The following PRKAR1B variants were observed in gnomAD, a reference collection of about 807,000 sequenced individuals.
PRKAR1B encodes the protein protein kinase cAMP-dependent type I regulatory subunit beta.
PRKAR1B carries 22 observed loss-of-function variants against 46.5 expected under a neutral mutation model. The observed-to-expected ratio is 0.47, with a 90% CI of 0.34 to 0.68. The LOEUF (loss-of-function observed/expected upper bound fraction) is 0.68. PRKAR1B is among the 30% of genes least tolerant of loss of function. The pLI is 0.01. For synonymous variants in PRKAR1B, 259 were observed against 217.7 expected (o/e 1.19, Z -1.67); for missense variants, 445 against 535.6 (o/e 0.83, Z 1.67).
intron 9 of PRKAR1B, among the ~76,000 whole-genome samples, chr7:573,676 G>A (rs1057383747): frequency 6.6e-6 from 1 of 152,220 alleles, no homozygotes; most frequent in Admixed American, 6.5e-5. Flanking sequence ...CCCACAGCCC[G>A]CAAAACACCC....
At chr7:725,988 G>A (rs1781251810) in intron 1 of PRKAR1B, among the ~76,000 whole-genome samples, 1 of 151,994 alleles carries the variant, frequency 6.6e-6, no homozygotes, top group Admixed American at 6.6e-5. Context: ...CCCCCTACCT[G>A]CCTAATTATC....
intron 9 of PRKAR1B, 99 bp from the exon 10 acceptor site, chr7:551,569 C>T (rs77124414): frequency 0.14 from 168,174 of 1,171,462 alleles, 13,916 homozygotes; most frequent in Admixed American, 0.37. Flanking sequence ...CCCAAACCCC[C>T]ACCTCCCACC....
rs1366830421 is a variant in PRKAR1B, at chr7:714,175, G to A, written c.-22-2648C>T. On this transcript the variant is annotated intron_variant, in intron 1 of 10. Transcript: ENST00000537384. The surrounding 1 kb of genome is among the most constrained non-coding windows in gnomAD (Gnocchi z 4.3). ...CCAGGTGCCACCTAACCAAGGCGAC[G>A]TCTCGCTTCGGGGGGCAGATGCTCC... Among the ~76,000 whole-genome samples, 3 of 152,136 alleles carry A rather than the reference G, an allele frequency of 2.0e-5. No homozygotes were observed. Among genetic ancestry groups the A allele is most frequent in the South Asian group, 2.1e-4 (1 of 4,832 alleles).
At chr7:631,388 G>T (rs1053189905) in intron 4 of PRKAR1B, among the ~76,000 whole-genome samples, 1 of 152,226 alleles carries the variant, frequency 6.6e-6, no homozygotes, top group Admixed American at 6.5e-5. Flanking sequence ...CCCAGACAGG[G>T]GTGGTCGCCG....
intron 2 of PRKAR1B, among the ~76,000 whole-genome samples, chr7:681,324 A>T (rs1011714057): frequency 1.2e-4 from 12 of 98,756 alleles, no homozygotes; most frequent in African/African-American, 3.7e-4. Context: ...CTGTCTCTAT[A>T]AAAAAAAAAA....
Position 720,885 on chromosome 7 carries a change from TGTTTTGTATCCAC to T in PRKAR1B, c.-23+6312_-23+6324del, listed in dbSNP as rs1781048478. ...TAGTAGACATCATACAGTTGGGTCA[TGTTTTGTATCCAC>T]GTGGCGAACCTCTGTCTTCTAATTG... On this transcript the variant is annotated intron_variant, in intron 1 of 10. Transcript: ENST00000537384. Among the ~76,000 whole-genome samples, 4 of 152,360 alleles carry T rather than the reference TGTTTTGTATCCAC, an allele frequency of 2.6e-5. No individual in the cohort carries two copies. In the South Asian group the frequency reaches 8.3e-4, roughly 32 times the overall value.
chr7:658,812 G>A (rs1255800444), intron 4 of PRKAR1B, among the ~76,000 whole-genome samples: 2 of 151,974 alleles, frequency 1.3e-5, no homozygotes, highest in Admixed American at 6.6e-5. Context: ...CATCATGCCA[G>A]GCTAATTTTT....
At chr7:577,613 C>A (rs1052678935) in intron 9 of PRKAR1B, among the ~76,000 whole-genome samples, 2 of 152,202 alleles carry the variant, frequency 1.3e-5, no homozygotes, top group African/African-American at 4.8e-5. Flanking sequence ...CCAGGCAGAG[C>A]CTCCGGACGA....
At position 550,572 on chromosome 7, in the gene PRKAR1B, C is replaced by T. The variant is rs758240013; in HGVS notation, c.1004G>A (p.Arg335Gln). 6.3e-6 allele frequency: 10 copies of T among 1,593,518 alleles called. No homozygotes were observed. Among genetic ancestry groups the T allele is most frequent in the South Asian group, 2.3e-5 (2 of 88,838 alleles). ...GEIALLLNRP[R>Q]AATVVARGPL... is the part of the protein sequence containing the mutation. ...CCCCCGGGCCACGACAGTGGCCGCCCGGGGCCGGTTCAGCAGCAGTGCAAT... is the reference window on the plus strand; with the variant it reads ...CCCCCGGGCCACGACAGTGGCCGCCTGGGGCCGGTTCAGCAGCAGTGCAAT... Residue 335 changes from arginine to glutamine, a missense_variant, in exon 11 of 11, where the codon CGG becomes CAG. Physicochemically the swap from Arg to Gln is conservative, Grantham distance 43 (BLOSUM62 1). Around this residue, in one of 5 missense-constraint regions of PRKAR1B, gnomAD observed 127 missense variants for 138.0 expected, o/e 0.92. Coordinates refer to ENST00000537384, the MANE Select transcript of PRKAR1B (RefSeq NM_001164760.2).
chr7:673,891 C>T (rs988554865), intron 4 of PRKAR1B, among the ~76,000 whole-genome samples: 2 of 152,220 alleles, frequency 1.3e-5, no homozygotes, highest in East Asian at 3.8e-4. Flanking sequence ...CCCGGGCAGG[C>T]CCCTCCTCGC....
chr7:681,080 G>GTTTT (rs1778656394), intron 2 of PRKAR1B, among the ~76,000 whole-genome samples: 1 of 152,074 alleles, frequency 6.6e-6, no homozygotes, highest in Non-Finnish European at 1.5e-5. Context: ...TAGTGAGGGA[G>GTTTT]TTTTCACAAG....
At chr7:591,868 G>C (rs1780995482) in intron 7 of PRKAR1B, among the ~76,000 whole-genome samples, 1 of 152,110 alleles carries the variant, frequency 6.6e-6, no homozygotes, top group South Asian at 2.1e-4. Context: ...TCACACCACA[G>C]CCACACACCC....
chr7:645,049 C>A (rs1345991466), intron 4 of PRKAR1B, among the ~76,000 whole-genome samples: 1 of 152,208 alleles, frequency 6.6e-6, no homozygotes, highest in African/African-American at 2.4e-5. Flanking sequence ...CACTGCAGAT[C>A]CCTGATTTAG....
At chr7:599,939 G>C (rs1321867569) in intron 6 of PRKAR1B, among the ~76,000 whole-genome samples, 6 of 146,800 alleles carry the variant, frequency 4.1e-5, no homozygotes, top group African/African-American at 1.5e-4. Flanking sequence ...GGACAGGGGT[G>C]CCAAGAGCTG....
intron 4 of PRKAR1B, among the ~76,000 whole-genome samples, chr7:633,671 G>C (rs1209996237): frequency 1.3e-5 from 2 of 152,136 alleles, no homozygotes; most frequent in Non-Finnish European, 2.9e-5. Context: ...CTCAGACTCT[G>C]TGCTTAATAA....
intron 7 of PRKAR1B, among the ~76,000 whole-genome samples, chr7:584,844 G>A (rs1057409744): frequency 5.3e-5 from 8 of 152,148 alleles, no homozygotes; most frequent in Non-Finnish European, 8.8e-5. Context: ...GCCAGGACCC[G>A]TGGTAGTTCC....
At chr7:687,183 C>T (rs1297188590) in intron 2 of PRKAR1B, among the ~76,000 whole-genome samples, 1 of 152,090 alleles carries the variant, frequency 6.6e-6, no homozygotes, top group Non-Finnish European at 1.5e-5. Context: ...GGAACTCAAT[C>T]AAAAACAACT....
intron 9 of PRKAR1B, among the ~76,000 whole-genome samples, chr7:573,819 C>T (rs1356259686): frequency 6.6e-6 from 1 of 152,180 alleles, no homozygotes; most frequent in Non-Finnish European, 1.5e-5. Flanking sequence ...GCTGGCAGAG[C>T]CTCCCAGCTG....
chr7:560,359 A>AAATAATAATAATAATAATAAT lies in PRKAR1B; in HGVS notation c.892-8910_892-8890dup, dbSNP rs200894141. 1.2e-4 allele frequency among the ~76,000 whole-genome samples: 18 copies of AAATAATAATAATAATAATAAT among 146,556 alleles called. No homozygotes were observed. The highest frequency in any genetic ancestry group is 3.2e-4 in the African/African-American group (13 of 40,124). On this transcript the variant is annotated intron_variant, in intron 9 of 10. Coordinates refer to ENST00000537384, the MANE Select transcript of PRKAR1B (RefSeq NM_001164760.2). The surrounding 1 kb of genome is among the most constrained non-coding windows in gnomAD (Gnocchi z 4.2). ...TAGCAGTGTTAGAATGAACTAATACAAATAATAATAATAATAATAATAATA... is the reference window on the plus strand; with the variant it reads ...TAGCAGTGTTAGAATGAACTAATACAAATAATAATAATAATAATAATAATAATAATAATAATAATAATAATA...
Sources: gnomAD v4.1 joint callset for allele counts (sites outside exome capture counted in the v4.1 genomes callset) on GRCh38, gnomAD v4.1.1 for gene constraint, gnomAD v4.1.1 regional missense constraint, Gnocchi (gnomAD v3.1) non-coding constraint, MANE v1.5 for transcripts, NCBI Gene and HGNC (gene_info 2026-07-23, HGNC 2026-07-21) for gene names.